EHD2: variants seen among roughly 807,000 people sequenced by gnomAD.
EHD2 encodes the protein EH domain-containing protein 2.
In EHD2, 27 loss-of-function variants were observed where a neutral mutation model predicts 41.0. That is an observed-to-expected ratio of 0.66 (90% CI 0.49 to 0.91). The LOEUF (loss-of-function observed/expected upper bound fraction) is 0.91, where lower values mean the gene tolerates loss of function less well. Ranked by LOEUF, EHD2 falls within the 40% of genes least tolerant of loss-of-function variation. EHD2 has a pLI of 0.00. For synonymous variants in EHD2, 342 were observed against 341.0 expected (o/e 1.00, Z -0.03); for missense variants, 673 against 773.9 (o/e 0.87, Z 1.55).
At chr19:47,736,127 C>G (rs1966919478) in intron 4 of EHD2, among the ~76,000 whole-genome samples, 1 of 151,774 alleles carries the variant, frequency 6.6e-6, no homozygotes, top group African/African-American at 2.4e-5. Context: ...AGCCGGGAGG[C>G]GGAGGTTGCA....
chr19:47,715,760 C>T (rs1453811483), intron 1 of EHD2, among the ~76,000 whole-genome samples: 1 of 152,124 alleles, frequency 6.6e-6, no homozygotes, highest in Admixed American at 6.6e-5. Flanking sequence ...CTTTCTCCTC[C>T]TTCAGCTGGT....
At chr19:47,723,973 CTCTG>C (rs926111619) in intron 3 of EHD2, among the ~76,000 whole-genome samples, 6 of 150,470 alleles carry the variant, frequency 4.0e-5, no homozygotes, top group African/African-American at 1.2e-4. Flanking sequence ...GTGTGAGCCA[CTCTG>C]TCTGGCCACT....
At chr19:47,718,354 T>C (rs1463302968) in intron 2 of EHD2, among the ~76,000 whole-genome samples, 155 bp from the exon 3 acceptor site, 1 of 151,772 alleles carries the variant, frequency 6.6e-6, no homozygotes, top group Non-Finnish European at 1.5e-5. Flanking sequence ...GTTATAACTC[T>C]GAGATGGTCC....
Position 47,718,758 on chromosome 19 carries a change from GTCTGGACT to G in EHD2, c.502+153_502+160del, listed in dbSNP as rs1973661575. 5 of 549,892 alleles carry G rather than the reference GTCTGGACT, an allele frequency of 9.1e-6. No individual in the cohort carries two copies. In the African/African-American group the frequency reaches 1.2e-4, roughly 13 times the overall value. 34.1% of individuals were successfully genotyped at this position (549,892 alleles called of 1,614,324 possible). The stretch of plus-strand genomic sequence containing the variant: ...TGGGTCTGAGGGAGGAGGGGCTGGG[GTCTGGACT>G]CCTGGATCTGAGGGAGGAGGGGCTG... On this transcript the variant is annotated intron_variant, in intron 3 of 5. Transcript: ENST00000263277.
intron 2 of EHD2, 61 bp downstream of exon 2, chr19:47,717,077 C>T (rs1000751662): frequency 3.3e-5 from 52 of 1,590,098 alleles, no homozygotes; most frequent in South Asian, 1.8e-4. Context: ...ACAGAGTTTC[C>T]GCTCTTTTCG....
At chr19:47,714,490 C>T (rs1177986131) in intron 1 of EHD2, among the ~76,000 whole-genome samples, 2 of 152,116 alleles carry the variant, frequency 1.3e-5, no homozygotes, top group Non-Finnish European at 2.9e-5. Context: ...AAAGAGGGGA[C>T]ATCACTACAG....
chr19:47,719,215 C>T lies in EHD2; in HGVS notation c.502+609C>T, dbSNP rs542345630. Reference sequence around the variant, plus strand: ...GAGAGATGAAGAGGGACAGGGATTCCGAGGCAGTGAGACAGCGACGCAGGG... The same window carrying T: ...GAGAGATGAAGAGGGACAGGGATTCTGAGGCAGTGAGACAGCGACGCAGGG... On this transcript the variant is annotated intron_variant, in intron 3 of 5. Transcript: ENST00000263277. This position sits in a 1 kb window ranked among gnomAD's most constrained non-coding sequence, Gnocchi z 4.1. Among the ~76,000 whole-genome samples, 6 of 152,100 alleles carry T rather than the reference C, an allele frequency of 3.9e-5. No homozygotes were observed. The highest frequency in any genetic ancestry group is 2.1e-4 in the South Asian group (1 of 4,820).
chr19:47,721,279 A>G (rs1315511791), intron 3 of EHD2, among the ~76,000 whole-genome samples: 1 of 151,592 alleles, frequency 6.6e-6, no homozygotes, highest in Non-Finnish European at 1.5e-5. Flanking sequence ...TAAAGCCCTC[A>G]AATCTGGGCT....
chr19:47,736,805 T>G (rs2123657976), intron 5 of EHD2, among the ~76,000 whole-genome samples: 1 of 152,344 alleles, frequency 6.6e-6, no homozygotes, highest in South Asian at 2.1e-4. Flanking sequence ...GGTTTGGTGC[T>G]TTACAGAGCC....
chr19:47,716,641 C>T lies in EHD2; in HGVS notation c.29C>T (p.Ala10Val). MFSWLKRGG[A>V]RGQQPEAIRT... ...TTCAGCTGGCTGAAGCGGGGCGGGG[C>T]ACGGGGCCAGCAGCCCGAGGCCATC... Residue 10 changes from alanine to valine, a missense_variant, in exon 2 of 6, where the codon GCA becomes GTA. Ala to Val is a moderately conservative substitution (Grantham distance 64, BLOSUM62 0). Coordinates refer to ENST00000263277, the MANE Select transcript of EHD2 (RefSeq NM_014601.4). The T allele has an allele frequency of 6.4e-7, 1 of 1,561,990 alleles. No homozygotes were observed. The highest frequency in any genetic ancestry group is 8.7e-7 in the Non-Finnish European group (1 of 1,153,842).
chr19:47,722,893 G>C (rs993445565), intron 3 of EHD2, among the ~76,000 whole-genome samples: 2 of 152,192 alleles, frequency 1.3e-5, no homozygotes, highest in African/African-American at 4.8e-5. Context: ...CTGTGCCTCA[G>C]TTTCCTCATC....
Position 47,742,070 on chromosome 19 carries a change from C to G in EHD2, c.*638C>G, listed in dbSNP as rs545877722. 3 of 388,112 alleles carry G rather than the reference C, an allele frequency of 7.7e-6. No homozygotes were observed. 24.0% of individuals were successfully genotyped at this position (388,112 alleles called of 1,614,324 possible). ...TACTGCTTCCTCAGATGGGCCCCTC[C>G]GCAGCCCCTTCCCTTGCTCGGGGAA... On this transcript the variant is annotated 3_prime_UTR_variant, in exon 6 of 6. Transcript: ENST00000263277.
At chr19:47,731,073 C>A (rs1008474373) in intron 4 of EHD2, among the ~76,000 whole-genome samples, 1 of 150,602 alleles carries the variant, frequency 6.6e-6, no homozygotes, top group Non-Finnish European at 1.5e-5. Context: ...AGCCGAGTGG[C>A]GATCGGGTGG....
At position 47,741,813 on chromosome 19, in the gene EHD2, G is replaced by C. The variant is rs1966993379; in HGVS notation, c.*381G>C. 2 of 484,934 alleles carry C rather than the reference G, an allele frequency of 4.1e-6. No individual in the cohort carries two copies. Among genetic ancestry groups the C allele is most frequent in the Non-Finnish European group, 4.1e-6 (1 of 246,392 alleles). The allele number at this position is 484,934 out of a possible 1,614,324, so 30.0% of individuals were successfully genotyped here. ...ATAGACAAATACATCTGCCCTCATGGAAGGTGACGTTCCCAGGAGAGGGCA... is the reference window on the plus strand; with the variant it reads ...ATAGACAAATACATCTGCCCTCATGCAAGGTGACGTTCCCAGGAGAGGGCA... On this transcript the variant is annotated 3_prime_UTR_variant, in exon 6 of 6. Transcript: ENST00000263277. This position sits in a 1 kb window ranked among gnomAD's most constrained non-coding sequence, Gnocchi z 4.5.
In EHD2 at chr19:47,719,283, G is replaced by GCAGAGCC. The variant is rs2123637463; in HGVS notation, c.502+679_502+685dup. Among the ~76,000 whole-genome samples the GCAGAGCC allele has an allele frequency of 6.6e-6, 1 of 152,128 alleles. No individual in the cohort carries two copies. Among genetic ancestry groups the GCAGAGCC allele is most frequent in the South Asian group, 2.1e-4 (1 of 4,820 alleles). On this transcript the variant is annotated intron_variant, in intron 3 of 5. Transcript: ENST00000263277. This position sits in a 1 kb window ranked among gnomAD's most constrained non-coding sequence, Gnocchi z 4.1. Reference sequence around the variant, plus strand: ...ATGAGGCAGAGCCTGGGCAGGGGAGGCAGAGCCCGGGCAGGGGAGGCTGGG... The same window carrying GCAGAGCC: ...ATGAGGCAGAGCCTGGGCAGGGGAGGCAGAGCCCAGAGCCCGGGCAGGGGAGGCTGGG...
intron 4 of EHD2, chr19:47,731,279 A>AAAAAAAAATAT: frequency 4.3e-4 from 26 of 60,914 alleles, no homozygotes; most frequent in South Asian, 8.1e-4. Flanking sequence ...AAAAAAAAAA[A>AAAAAAAAATAT]ATATATATAT....
chr19:47,731,741 A>T (rs894493183), intron 4 of EHD2, among the ~76,000 whole-genome samples: 1 of 151,484 alleles, frequency 6.6e-6, no homozygotes, highest in Non-Finnish European at 1.5e-5. Context: ...TTCTAGAGGC[A>T]ACCCCCATAA....
rs1973671006 is a variant in EHD2 at position 47,719,409 on chromosome 19, A to C, written c.502+803A>C. 1.3e-5 allele frequency among the ~76,000 whole-genome samples: 2 copies of C among 152,038 alleles called. No individual in the cohort carries two copies. The highest frequency in any genetic ancestry group is 2.4e-5 in the African/African-American group (1 of 41,394). On this transcript the variant is annotated intron_variant, in intron 3 of 5. Coordinates refer to ENST00000263277, the MANE Select transcript of EHD2 (RefSeq NM_014601.4). The surrounding 1 kb of genome is among the most constrained non-coding windows in gnomAD (Gnocchi z 4.1). ...GCCAAGGCCAGGCCTGGAATTTATA[A>C]ACAGCTGTGCAAGGAGAGTGGCGGG...
chr19:47,728,855 C>T (rs1400007639), intron 4 of EHD2, among the ~76,000 whole-genome samples: 1 of 152,254 alleles, frequency 6.6e-6, no homozygotes, highest in Non-Finnish European at 1.5e-5. Context: ...CAGGCGTAAG[C>T]CACCACACCC....
Sources: allele counts gnomAD v4.1 joint callset (sites outside exome capture counted in the v4.1 genomes callset), GRCh38; gene constraint gnomAD v4.1.1; non-coding constraint Gnocchi (gnomAD v3.1); transcripts MANE v1.5; gene names NCBI Gene and HGNC (gene_info 2026-07-23, HGNC 2026-07-21).